ARHGEF10L: variants seen among roughly 807,000 people sequenced by gnomAD.
The protein encoded by ARHGEF10L is rho guanine nucleotide exchange factor 10-like protein.
Under a neutral mutation model 141.2 loss-of-function variants are expected in ARHGEF10L, and 69 were observed. The observed-to-expected ratio is 0.49, with a 90% confidence interval of 0.40 to 0.60. The LOEUF (loss-of-function observed/expected upper bound fraction) is 0.60. Among genes scored for constraint, ARHGEF10L ranks in the 20% least tolerant of loss-of-function variants. ARHGEF10L has a pLI of 0.00. For synonymous variants in ARHGEF10L, 711 were observed against 718.5 expected (o/e 0.99, Z 0.17); for missense variants, 1,482 against 1,734.3 (o/e 0.85, Z 2.58).
At position 17,639,744 on chromosome 1, in the gene ARHGEF10L, C is replaced by A; in HGVS notation, c.2172-458C>A. 1.2e-6 allele frequency: 1 copy of A among 812,150 alleles called. No homozygotes were observed. Among genetic ancestry groups the A allele is most frequent in the Non-Finnish European group, 1.8e-6 (1 of 553,240 alleles). The allele number at this position is 812,150 out of a possible 1,614,324, so 50.3% of individuals were successfully genotyped here. ...GATTCATTCATTTCTTCATTCATTC[C>A]TGTGTCCACTCAGCAAACATTTACT... On this transcript the variant is annotated intron_variant, in intron 20 of 28. Coordinates refer to ENST00000361221, the MANE Select transcript of ARHGEF10L (RefSeq NM_018125.4). The surrounding 1 kb of genome is among the most constrained non-coding windows in gnomAD (Gnocchi z 4.3).
At chr1:17,535,967 G>A (rs920143483), upstream of ARHGEF10L, among the ~76,000 whole-genome samples, 5 of 152,312 alleles carry the variant, frequency 3.3e-5, no homozygotes, top group Middle Eastern at 6.8e-3. Context: ...CATGTGGTAG[G>A]TTGGGCACAC....
intron 1 of ARHGEF10L, among the ~76,000 whole-genome samples, chr1:17,544,963 C>T: frequency 6.6e-6 from 1 of 152,118 alleles, no homozygotes; most frequent in East Asian, 1.9e-4. Flanking sequence ...ATCATGAGAA[C>T]AGCATGGGGA....
chr1:17,521,995 A>G, the ARHGEF10L span, among the ~76,000 whole-genome samples: 3 of 152,210 alleles, frequency 2.0e-5, no homozygotes, highest in Non-Finnish European at 4.4e-5. Context: ...ACCAGAGTCC[A>G]GGACCAATGG....
intron 22 of ARHGEF10L, among the ~76,000 whole-genome samples, chr1:17,651,373 A>T (rs1477111721): frequency 6.6e-6 from 1 of 152,164 alleles, no homozygotes; most frequent in African/African-American, 2.4e-5. Flanking sequence ...GGAGGCAGCG[A>T]CCATGGAGTA....
Position 17,627,308 on chromosome 1 carries a change from A to G in ARHGEF10L, c.1411-22A>G. On this transcript the variant is annotated intron_variant, in intron 14 of 28. Coordinates refer to ENST00000361221, the MANE Select transcript of ARHGEF10L (RefSeq NM_018125.4). This position sits in a 1 kb window ranked among gnomAD's most constrained non-coding sequence, Gnocchi z 4.0. ...AGAGTTGGTCATGGGTGGGCTGCTC[A>G]GTCTCTGCTCTGACCTGGCAGGACA... 2.5e-6 allele frequency: 4 copies of G among 1,607,214 alleles called. No homozygotes were observed. The highest frequency in any genetic ancestry group is 3.4e-6 in the Non-Finnish European group (4 of 1,174,696).
At chr1:17,545,342 C>T (rs75174468) in intron 1 of ARHGEF10L, among the ~76,000 whole-genome samples, 2,447 of 152,244 alleles carry the variant, frequency 0.016, 50 homozygotes, top group Non-Finnish European at 0.023. Context: ...GGTGTGATGG[C>T]GCTCCAGGAC....
chr1:17,679,283 G>A (rs1055633504), intron 26 of ARHGEF10L, among the ~76,000 whole-genome samples: 5 of 152,220 alleles, frequency 3.3e-5, no homozygotes, highest in African/African-American at 4.8e-5. Flanking sequence ...GGGCAGATCT[G>A]CTCCTGGTGC....
intron 15 of ARHGEF10L, among the ~76,000 whole-genome samples, chr1:17,631,745 T>C (rs12562076): frequency 0.23 from 34,686 of 152,220 alleles, 5,166 homozygotes; most frequent in African/African-American, 0.42. Context: ...TCTGCCATGG[T>C]CATCTTGAAA....
At chr1:17,641,271 G>T (rs996876941) in intron 21 of ARHGEF10L, among the ~76,000 whole-genome samples, 1 of 152,140 alleles carries the variant, frequency 6.6e-6, no homozygotes, top group East Asian at 1.9e-4. Context: ...TAGCAGGAAC[G>T]TTTTTTTATT....
chr1:17,630,167 TG>T (rs1028482182), intron 15 of ARHGEF10L, among the ~76,000 whole-genome samples: 4 of 152,214 alleles, frequency 2.6e-5, no homozygotes, highest in African/African-American at 9.6e-5. Flanking sequence ...ACCTGTTTAG[TG>T]ATGTCCCTAT....
chr1:17,524,209 G>GTTGCAGTGAGCTGAGA, the ARHGEF10L span, among the ~76,000 whole-genome samples: 41 of 152,084 alleles, frequency 2.7e-4, no homozygotes, highest in East Asian at 1.5e-3. Flanking sequence ...GGAGGTGGAG[G>GTTGCAGTGAGCTGAGA]TTGCAGTGAG....
Position 17,603,601 on chromosome 1 carries a change from C to T in ARHGEF10L, c.433+10C>T. On this transcript the variant is annotated intron_variant, in intron 6 of 28. Transcript: ENST00000361221. This position sits in a 1 kb window ranked among gnomAD's most constrained non-coding sequence, Gnocchi z 4.8. ...GATGCGCATCAGCCCGGTATGATGT[C>T]TGCAGTGCTTCCCTGTTTCTCTTGG... is the stretch of plus-strand genomic sequence containing the variant. 2 of 1,606,866 alleles carry T rather than the reference C, an allele frequency of 1.2e-6. No individual in the cohort carries two copies. Among genetic ancestry groups the T allele is most frequent in the Non-Finnish European group, 1.7e-6 (2 of 1,176,178 alleles).
At chr1:17,645,027 G>A (rs1258686470) in intron 21 of ARHGEF10L, among the ~76,000 whole-genome samples, 1 of 152,266 alleles carries the variant, frequency 6.6e-6, no homozygotes, top group East Asian at 1.9e-4. Context: ...AGATCAGAGG[G>A]GATTGTTCTG....
chr1:17,547,970 T>C (rs1282938673), intron 1 of ARHGEF10L, among the ~76,000 whole-genome samples: 5 of 152,172 alleles, frequency 3.3e-5, no homozygotes, highest in African/African-American at 4.8e-5. Context: ...GGGCTCTTTC[T>C]ATGTTGGGCC....
chr1:17,522,819 T>A, the ARHGEF10L span, among the ~76,000 whole-genome samples: 1 of 152,144 alleles, frequency 6.6e-6, no homozygotes, highest in Non-Finnish European at 1.5e-5. Flanking sequence ...GAAGGGTCCC[T>A]GATATCTTCT....
chr1:17,557,778 A>G (rs763823192), intron 1 of ARHGEF10L, among the ~76,000 whole-genome samples: 8 of 152,220 alleles, frequency 5.3e-5, no homozygotes, highest in Non-Finnish European at 1.2e-4. Context: ...ACATTATGTC[A>G]CCTGCTCTAT....
At position 17,638,939 on chromosome 1, in the gene ARHGEF10L, T is replaced by G. The variant is rs140246036; in HGVS notation, c.2171+250T>G. 1.0e-3 allele frequency among the ~76,000 whole-genome samples: 157 copies of G among 152,346 alleles called. 2 individuals are homozygous for G. The East Asian group carries it at 0.02, about 20-fold the overall frequency. On this transcript the variant is annotated intron_variant, in intron 20 of 28. Coordinates refer to ENST00000361221, the MANE Select transcript of ARHGEF10L (RefSeq NM_018125.4). ...GTCCTGGATAAGCCTGGCCCACTGTTAGGATACTCAGACACTCTGCCATTG... is the reference window on the plus strand; with the variant it reads ...GTCCTGGATAAGCCTGGCCCACTGTGAGGATACTCAGACACTCTGCCATTG...
intron 15 of ARHGEF10L, among the ~76,000 whole-genome samples, chr1:17,628,901 G>C (rs2060525219): frequency 6.6e-6 from 1 of 152,150 alleles, no homozygotes; most frequent in Admixed American, 6.5e-5. Context: ...CAGGGACAAG[G>C]CCTCCTGTAG....
chr1:17,571,991 T>TG (rs2078021312), intron 1 of ARHGEF10L, among the ~76,000 whole-genome samples: 1 of 152,150 alleles, frequency 6.6e-6, no homozygotes, highest in Admixed American at 6.5e-5. Flanking sequence ...GAGGCCAGTT[T>TG]GGGGGGGCTC....
Sources: allele counts gnomAD v4.1 joint callset (sites outside exome capture counted in the v4.1 genomes callset), GRCh38; gene constraint gnomAD v4.1.1; non-coding constraint Gnocchi (gnomAD v3.1); transcripts MANE v1.5; gene names NCBI Gene and HGNC (gene_info 2026-07-23, HGNC 2026-07-21).